The following RELN variants were observed in gnomAD, a reference collection of about 807,000 sequenced individuals.
RELN encodes the protein reelin.
Under a neutral mutation model 427.6 loss-of-function variants are expected in RELN, and 108 were observed. The observed-to-expected ratio is 0.25, with a 90% CI of 0.22 to 0.30. The LOEUF (loss-of-function observed/expected upper bound fraction) is 0.30, where lower values mean the gene tolerates loss of function less well. Among genes scored for constraint, RELN ranks in the 10% least tolerant of loss-of-function variants. The pLI is 1.00. For missense variants in RELN, 3,715 were observed against 4,302.8 expected (o/e 0.86, Z 3.82); for synonymous variants, 1,524 against 1,513.4 (o/e 1.01, Z -0.16).
chr7:103,794,634 C>T (rs1224366281), intron 3 of RELN, among the ~76,000 whole-genome samples: 5 of 152,154 alleles, frequency 3.3e-5, no homozygotes, highest in Admixed American at 2.0e-4. Flanking sequence ...TGATGCAATT[C>T]CCGAGTTGTC....
At chr7:103,945,530 T>C (rs1796203302) in intron 1 of RELN, among the ~76,000 whole-genome samples, 2 of 152,194 alleles carry the variant, frequency 1.3e-5, no homozygotes, top group South Asian at 4.1e-4. Context: ...CTCTTCCTTC[T>C]AGCTGTTCCT....
intron 22 of RELN, among the ~76,000 whole-genome samples, chr7:103,609,651 T>C (rs1284656245): frequency 6.6e-6 from 1 of 152,180 alleles, no homozygotes; most frequent in East Asian, 1.9e-4. Context: ...AATAGGCATT[T>C]TTACATAATG....
chr7:103,739,353 G>T (rs954040989), intron 6 of RELN, among the ~76,000 whole-genome samples: 5 of 152,178 alleles, frequency 3.3e-5, no homozygotes, highest in Admixed American at 6.5e-5. Flanking sequence ...TCTGAATTTA[G>T]TTATACGAGG....
At chr7:103,519,548 A>G (rs762666857) in intron 48 of RELN, 32 bp from the exon 49 acceptor site, 5 of 1,509,658 alleles carry the variant, frequency 3.3e-6, no homozygotes, top group Non-Finnish European at 4.6e-6. Context: ...AAAAAAAGTG[A>G]TAAGGAATCT....
intron 11 of RELN, among the ~76,000 whole-genome samples, chr7:103,673,037 G>A (rs1162544465): frequency 1.3e-5 from 2 of 151,964 alleles, no homozygotes; most frequent in East Asian, 1.9e-4. Flanking sequence ...TCTCTCATAA[G>A]GGCAAATATA....
intron 10 of RELN, among the ~76,000 whole-genome samples, chr7:103,690,244 G>A (rs1308836874): frequency 3.3e-5 from 5 of 151,920 alleles, no homozygotes; most frequent in Non-Finnish European, 5.9e-5. Context: ...AAGGTGATAC[G>A]TTGAATCTTG....
intron 10 of RELN, among the ~76,000 whole-genome samples, chr7:103,686,984 C>T (rs543427785): frequency 1.5e-4 from 23 of 152,242 alleles, no homozygotes; most frequent in Middle Eastern, 6.8e-3. Context: ...CTCTAGTCAA[C>T]ACAATAGATT....
chr7:103,581,801 C>T (rs1736930084), intron 28 of RELN, among the ~76,000 whole-genome samples: 2 of 151,958 alleles, frequency 1.3e-5, no homozygotes, highest in African/African-American at 4.8e-5. Context: ...GCCCGCCGAA[C>T]TGAAAAATAC....
intron 11 of RELN, among the ~76,000 whole-genome samples, chr7:103,666,818 T>TC (rs1483150211): frequency 1.3e-5 from 2 of 152,188 alleles, no homozygotes; most frequent in Non-Finnish European, 2.9e-5. Context: ...ATTTTTTTTT[T>TC]CACACTTGAA....
At chr7:103,706,401 A>G (rs1309843409) in intron 8 of RELN, among the ~76,000 whole-genome samples, 1 of 130,200 alleles carries the variant, frequency 7.7e-6, no homozygotes, top group Admixed American at 7.1e-5. Context: ...GCACCCATCC[A>G]AAAAAAAATT....
At chr7:103,611,573 A>G (rs1831957896) in intron 21 of RELN, 38 bp downstream of exon 21, 2 of 1,548,136 alleles carry the variant, frequency 1.3e-6, no homozygotes, top group Non-Finnish European at 1.8e-6. Context: ...AAAAGGCAGA[A>G]GGTTACCTGT....
chr7:103,755,924 A>T (rs996501782), intron 4 of RELN, among the ~76,000 whole-genome samples: 1 of 151,850 alleles, frequency 6.6e-6, no homozygotes, highest in South Asian at 2.1e-4. Context: ...GAAAAGAAAA[A>T]CCCTGTCTAC....
chr7:103,977,501 A>C (rs1455239853), intron 1 of RELN, among the ~76,000 whole-genome samples: 2 of 152,024 alleles, frequency 1.3e-5, no homozygotes, highest in Non-Finnish European at 2.9e-5. Flanking sequence ...GGCTAGATCT[A>C]TATGTACAAT....
At chr7:103,610,969 C>G (rs1435365526) in intron 21 of RELN, among the ~76,000 whole-genome samples, 162 bp from the exon 22 acceptor site, 1 of 152,060 alleles carries the variant, frequency 6.6e-6, no homozygotes, top group Non-Finnish European at 1.5e-5. Context: ...TTCCATGAAG[C>G]TAAAACTTCA....
intron 3 of RELN, among the ~76,000 whole-genome samples, chr7:103,778,013 T>C (rs562072774): frequency 2.6e-5 from 4 of 152,310 alleles, no homozygotes; most frequent in East Asian, 1.9e-4. Context: ...GTGAAGCTTA[T>C]AAGGGGCGTC....
chr7:103,839,443 A>G (rs764040216), intron 2 of RELN, among the ~76,000 whole-genome samples: 38 of 152,034 alleles, frequency 2.5e-4, no homozygotes, highest in Non-Finnish European at 5.1e-4. Context: ...TCAACCAGCA[A>G]GAAGAAAATT....
intron 60 of RELN, among the ~76,000 whole-genome samples, chr7:103,487,199 T>G (rs893095436): frequency 2.6e-5 from 4 of 151,486 alleles, no homozygotes; most frequent in African/African-American, 9.7e-5. Flanking sequence ...TAGGTGGGAG[T>G]TGAACAATTA....
At chr7:103,939,495 A>T (rs1203892233) in intron 1 of RELN, among the ~76,000 whole-genome samples, 3 of 152,210 alleles carry the variant, frequency 2.0e-5, no homozygotes, top group Non-Finnish European at 4.4e-5. Flanking sequence ...TACCACGCAC[A>T]TATGATGAAA....
intron 12 of RELN, among the ~76,000 whole-genome samples, chr7:103,658,809 C>T (rs1246894792): frequency 6.6e-6 from 1 of 151,944 alleles, no homozygotes; most frequent in African/African-American, 2.4e-5. Context: ...GTTGATCTCT[C>T]TCTCTCTCTC....
Sources: allele counts gnomAD v4.1 joint callset (sites outside exome capture counted in the v4.1 genomes callset), GRCh38; gene constraint gnomAD v4.1.1; transcripts MANE v1.5; gene names NCBI Gene and HGNC (gene_info 2026-07-23, HGNC 2026-07-21).